Variants in COL22A1 observed in about 807,000 individuals in gnomAD.
The protein encoded by COL22A1 is collagen type XXII alpha 1 chain.
A neutral mutation model predicts 248.9 loss-of-function variants in COL22A1; 221 were observed. The observed-to-expected ratio is 0.89, with a 90% CI of 0.80 to 0.99. The LOEUF (loss-of-function observed/expected upper bound fraction) is 0.99, where lower values mean the gene tolerates loss of function less well. Ranked by LOEUF, COL22A1 falls within the 50% of genes least tolerant of loss-of-function variation. The probability of loss-of-function intolerance (pLI) is 0.00; values close to 1 mark genes in which losing one functional copy is unlikely to be tolerated. For synonymous variants in COL22A1, 891 were observed against 793.4 expected (o/e 1.12, Z -2.07); for missense variants, 2,240 against 2,179.0 (o/e 1.03, Z -0.56).
intron 3 of COL22A1, among the ~76,000 whole-genome samples, chr8:138,861,980 G>A (rs1340979991): frequency 7.4e-6 from 1 of 135,972 alleles, no homozygotes; most frequent in Non-Finnish European, 1.5e-5. Context: ...CTTGAGGTCA[G>A]GAGTTCAAGA....
At chr8:138,755,136 C>CGCAGGA in intron 21 of COL22A1, 21 bp downstream of exon 21, 1 of 1,613,236 alleles carries the variant, frequency 6.2e-7, no homozygotes, top group African/African-American at 1.3e-5. Flanking sequence ...GCAAACCCTG[C>CGCAGGA]GCAGGAGAGG....
chr8:138,760,282 C>T lies in COL22A1; in HGVS notation c.1863G>A (p.Arg621=), dbSNP rs1326658563. The change falls in exon 18 of 65, where the codon AGG becomes AGA. Residue 621 remains arginine, a synonymous_variant. Transcript: ENST00000303045. Reference sequence around the variant, plus strand: ...GTCCTGCCACACCAGAAGGGCCGGGCCTGCCCTGGAGGAAAGAAAGAAAAG... The same window carrying T: ...GTCCTGCCACACCAGAAGGGCCGGGTCTGCCCTGGAGGAAAGAAAGAAAAG... ...GKPGDTGQQG[R]PGPSGVAGPQ... 2.5e-6 allele frequency: 4 copies of T among 1,598,604 alleles called. No individual in the cohort carries two copies. The highest frequency in any genetic ancestry group is 3.4e-6 in the Non-Finnish European group (4 of 1,172,794).
At chr8:138,726,498 C>CAAAAAAAAAAAAAAAAAAAAAAAAAAA (rs371982028) in intron 23 of COL22A1, among the ~76,000 whole-genome samples, 4 of 95,618 alleles carry the variant, frequency 4.2e-5, no homozygotes, top group African/African-American at 1.6e-4. Context: ...CCTGTATCTA[C>CAAAAAAAAAAAAAAAAAAAAAAAAAAA]AAAAAAAAAA....
intron 47 of COL22A1, among the ~76,000 whole-genome samples, chr8:138,641,766 A>G (rs114033804): frequency 0.017 from 2,625 of 152,316 alleles, 70 homozygotes; most frequent in African/African-American, 0.059. Flanking sequence ...CAGGAGACCA[A>G]TGAATGCCCA....
chr8:138,873,690 C>T lies in COL22A1; in HGVS notation c.658+4060G>A, dbSNP rs79681084. On this transcript the variant is annotated intron_variant, in intron 3 of 64. Transcript: ENST00000303045. ...GACAAAGAGGATGCCAGATTCACTA[C>T]TGCGTCATGGGCACCTGGCCTGTGT... Among the ~76,000 whole-genome samples, 1,041 of 152,304 alleles carry T rather than the reference C, an allele frequency of 6.8e-3. 12 individuals carry two copies. The highest frequency in any genetic ancestry group is 0.024 in the African/African-American group (1,007 of 41,556).
intron 60 of COL22A1, among the ~76,000 whole-genome samples, chr8:138,599,900 G>C (rs1817862484): frequency 6.6e-6 from 1 of 152,176 alleles, no homozygotes; most frequent in Admixed American, 6.5e-5. Context: ...GAGAAGGCTG[G>C]CCCTGGCAAC....
At chr8:138,739,032 C>T (rs1418740866) in intron 22 of COL22A1, among the ~76,000 whole-genome samples, 1 of 152,188 alleles carries the variant, frequency 6.6e-6, no homozygotes, top group African/African-American at 2.4e-5. Flanking sequence ...ACTGCAGTAG[C>T]CTTCTAAACA....
chr8:138,665,454 G>A (rs754825202), intron 41 of COL22A1, among the ~76,000 whole-genome samples: 10 of 152,234 alleles, frequency 6.6e-5, no homozygotes, highest in Non-Finnish European at 4.4e-5. Context: ...GGATGCAGGT[G>A]TATGATGAAG....
chr8:138,769,972 A>G (rs2131450807), intron 16 of COL22A1, among the ~76,000 whole-genome samples: 1 of 152,274 alleles, frequency 6.6e-6, no homozygotes, highest in Non-Finnish European at 1.5e-5. Flanking sequence ...ACTTGCTCTC[A>G]TAACTCATTG....
At chr8:138,746,047 A>G (rs1247734993) in intron 22 of COL22A1, among the ~76,000 whole-genome samples, 2 of 152,216 alleles carry the variant, frequency 1.3e-5, no homozygotes, top group Non-Finnish European at 2.9e-5. Context: ...AGCTCCGGGG[A>G]TGGCGTGGAG....
chr8:138,717,608 C>A (rs116613494), intron 27 of COL22A1, among the ~76,000 whole-genome samples: 1,608 of 151,808 alleles, frequency 0.011, 28 homozygotes, highest in African/African-American at 0.037. Context: ...GGACTATAGG[C>A]ACATACCACC....
chr8:138,690,716 G>A (rs950665710), intron 36 of COL22A1, 105 bp downstream of exon 36: 3 of 844,796 alleles, frequency 3.6e-6, no homozygotes, highest in African/African-American at 3.5e-5. Flanking sequence ...TGGGAGTAAG[G>A]ATCCTCCCCT....
intron 3 of COL22A1, among the ~76,000 whole-genome samples, chr8:138,850,352 C>CA (rs1821541653): frequency 3.3e-5 from 5 of 152,334 alleles, no homozygotes; most frequent in African/African-American, 1.2e-4. Flanking sequence ...CACAGGAAGT[C>CA]TGTGTGACAT....
intron 41 of COL22A1, among the ~76,000 whole-genome samples, chr8:138,663,975 A>G (rs1824213673): frequency 6.6e-6 from 1 of 151,732 alleles, no homozygotes; most frequent in African/African-American, 2.4e-5. Flanking sequence ...CCACCCTATC[A>G]TCATCCCTGC....
At chr8:138,617,056 C>T in intron 53 of COL22A1, 98 bp from the exon 54 acceptor site, 1 of 1,282,324 alleles carries the variant, frequency 7.8e-7, no homozygotes, top group South Asian at 1.2e-5. Context: ...CACGTTGCCC[C>T]CGCTCATTCT....
intron 44 of COL22A1, among the ~76,000 whole-genome samples, chr8:138,657,711 C>T (rs1823406790): frequency 6.6e-6 from 1 of 152,038 alleles, no homozygotes; most frequent in South Asian, 2.1e-4. Flanking sequence ...GTTGTTGGGC[C>T]CAATGGGCTC....
intron 27 of COL22A1, 55 bp downstream of exon 27, chr8:138,720,684 C>T (rs1829804398): frequency 2.8e-6 from 4 of 1,425,548 alleles, no homozygotes; most frequent in Non-Finnish European, 4.0e-6. Context: ...CACACCACCC[C>T]AAATAGACCA....
intron 39 of COL22A1, among the ~76,000 whole-genome samples, chr8:138,680,996 G>A (rs975873414): frequency 6.6e-6 from 1 of 152,150 alleles, no homozygotes; most frequent in Non-Finnish European, 1.5e-5. Flanking sequence ...CCCCCCGGGG[G>A]GGGTCTCAGC....
chr8:138,859,887 A>G (rs938803641), intron 3 of COL22A1, among the ~76,000 whole-genome samples: 2 of 104,430 alleles, frequency 1.9e-5, no homozygotes, highest in African/African-American at 2.8e-5. Context: ...GAGTAAAGCA[A>G]CGGTGGCTGT....
Sources: gnomAD v4.1 joint callset for allele counts (sites outside exome capture counted in the v4.1 genomes callset) on GRCh38, gnomAD v4.1.1 for gene constraint, MANE v1.5 for transcripts, NCBI Gene and HGNC (gene_info 2026-07-23, HGNC 2026-07-21) for gene names.